RAD51B: variants seen among roughly 807,000 people sequenced by gnomAD.
The protein encoded by RAD51B is DNA repair protein RAD51 homolog 2.
RAD51B carries 38 observed loss-of-function variants against 42.2 expected under a neutral mutation model. The observed-to-expected ratio is 0.90, with a 90% CI of 0.70 to 1.18. The LOEUF (loss-of-function observed/expected upper bound fraction) is 1.18. RAD51B is among the 50% of genes most tolerant of loss of function. RAD51B has a pLI of 0.00. For missense variants in RAD51B, 373 were observed against 400.7 expected (o/e 0.93, Z 0.59); for synonymous variants, 154 against 145.2 (o/e 1.06, Z -0.43).
At chr14:67,852,208 G>A (rs949487127) in intron 4 of RAD51B, among the ~76,000 whole-genome samples, 2 of 152,216 alleles carry the variant, frequency 1.3e-5, no homozygotes, top group African/African-American at 4.8e-5. Context: ...GGCGTGCTGG[G>A]GGCCCAGGCC....
intron 7 of RAD51B, among the ~76,000 whole-genome samples, chr14:68,290,403 A>G (rs1166129280): frequency 1.3e-5 from 2 of 152,206 alleles, no homozygotes; most frequent in Non-Finnish European, 2.9e-5. Context: ...ATCTGTATTT[A>G]TTCTTCCTCT....
chr14:67,995,030 G>T (rs1387598874), intron 7 of RAD51B, among the ~76,000 whole-genome samples: 2 of 152,138 alleles, frequency 1.3e-5, no homozygotes, highest in African/African-American at 4.8e-5. Context: ...AATAATGTAT[G>T]ATTCCATTTA....
chr14:68,083,457 A>C (rs2076941906), intron 7 of RAD51B, among the ~76,000 whole-genome samples: 1 of 152,196 alleles, frequency 6.6e-6, no homozygotes, highest in Admixed American at 6.5e-5. Context: ...CAAGCAATGG[A>C]GGTTTTGATA....
chr14:68,002,501 A>T (rs975832375), intron 7 of RAD51B, among the ~76,000 whole-genome samples: 24 of 152,070 alleles, frequency 1.6e-4, no homozygotes, highest in Non-Finnish European at 3.2e-4. Context: ...CAGCTTGATG[A>T]TAGTTTCTTT....
At chr14:68,036,635 T>A (rs2076127396) in intron 7 of RAD51B, among the ~76,000 whole-genome samples, 1 of 152,172 alleles carries the variant, frequency 6.6e-6, no homozygotes. Context: ...TGGGGGAAAT[T>A]ATTATTTTTT....
At chr14:68,037,960 A>G (rs975661632) in intron 7 of RAD51B, among the ~76,000 whole-genome samples, 4 of 152,234 alleles carry the variant, frequency 2.6e-5, no homozygotes, top group African/African-American at 9.6e-5. Flanking sequence ...AGGTAGTTGA[A>G]TGTTCATCCT....
intron 7 of RAD51B, among the ~76,000 whole-genome samples, chr14:68,077,283 T>G (rs2076848954): frequency 6.6e-6 from 1 of 152,210 alleles, no homozygotes; most frequent in Non-Finnish European, 1.5e-5. Context: ...ATTTATCATA[T>G]GGCTACTATG....
chr14:68,300,028 G>C (rs2081694414), intron 8 of RAD51B, among the ~76,000 whole-genome samples: 1 of 152,104 alleles, frequency 6.6e-6, no homozygotes, highest in Admixed American at 6.5e-5. Flanking sequence ...TTTCAGCAGG[G>C]TCCATTGATG....
intron 7 of RAD51B, among the ~76,000 whole-genome samples, chr14:68,079,834 C>T (rs2076886767): frequency 6.6e-6 from 1 of 152,214 alleles, no homozygotes; most frequent in African/African-American, 2.4e-5. Context: ...CGTATGTGCG[C>T]TCTTGTACTT....
intron 7 of RAD51B, among the ~76,000 whole-genome samples, chr14:68,012,349 G>A (rs1331751037): frequency 6.6e-6 from 1 of 152,048 alleles, no homozygotes; most frequent in Non-Finnish European, 1.5e-5. Flanking sequence ...CACGACTGGT[G>A]CACAGCGTGT....
intron 10 of RAD51B, among the ~76,000 whole-genome samples, chr14:68,530,290 A>T (rs10133623): frequency 0.99 from 149,449 of 151,298 alleles, 73,822 homozygotes; most frequent in Non-Finnish European, 1. Context: ...CAAAAAATTT[A>T]AAAAAAAAAT....
intron 8 of RAD51B, among the ~76,000 whole-genome samples, chr14:68,364,499 CG>C (rs1445408346): frequency 6.6e-6 from 1 of 152,132 alleles, no homozygotes; most frequent in African/African-American, 2.4e-5. Context: ...CCGCCGGGCG[CG>C]GTGGAGGGCT....
chr14:68,437,899 G>T (rs921589173), intron 9 of RAD51B, among the ~76,000 whole-genome samples: 10 of 152,138 alleles, frequency 6.6e-5, no homozygotes, highest in Non-Finnish European at 1.0e-4. Context: ...AAGTGCATTG[G>T]TATTTGCTTG....
downstream of RAD51B, among the ~76,000 whole-genome samples, chr14:68,611,724 G>T (rs149001119): frequency 5.4e-4 from 82 of 152,300 alleles, no homozygotes; most frequent in African/African-American, 1.9e-3. Context: ...CTTGAGAAAG[G>T]TTTACATATT....
chr14:68,051,632 G>T (rs2076395363), intron 7 of RAD51B, among the ~76,000 whole-genome samples: 1 of 150,570 alleles, frequency 6.6e-6, no homozygotes, highest in Non-Finnish European at 1.5e-5. Flanking sequence ...ATCTTGCTTT[G>T]TTGCCCAGGC....
intron 5 of RAD51B, among the ~76,000 whole-genome samples, chr14:67,871,622 G>A (rs1480587166): frequency 1.3e-5 from 2 of 152,126 alleles, no homozygotes; most frequent in African/African-American, 4.8e-5. Context: ...AAGCCGGGCA[G>A]AGACACAACC....
intron 7 of RAD51B, among the ~76,000 whole-genome samples, chr14:68,290,281 G>A (rs1021862284): frequency 1.3e-5 from 2 of 152,200 alleles, no homozygotes; most frequent in African/African-American, 4.8e-5. Context: ...CCTTTCAGAA[G>A]GGACATTGCC....
At chr14:68,676,220 A>G (rs1429773910) in intron 11 of RAD51B, among the ~76,000 whole-genome samples, 1 of 152,148 alleles carries the variant, frequency 6.6e-6, no homozygotes, top group Non-Finnish European at 1.5e-5. Flanking sequence ...CTATGATCCC[A>G]CTTTAGAGAC....
chr14:68,414,585 G>T, intron 9 of RAD51B, among the ~76,000 whole-genome samples: 1 of 152,044 alleles, frequency 6.6e-6, no homozygotes, highest in Admixed American at 6.6e-5. Context: ...CTAATACTGA[G>T]GTACTGTTAC....
Sources: allele counts gnomAD v4.1 joint callset (sites outside exome capture counted in the v4.1 genomes callset), GRCh38; gene constraint gnomAD v4.1.1; transcripts MANE v1.5; gene names NCBI Gene and HGNC (gene_info 2026-07-23, HGNC 2026-07-21).